The following TASP1 variants were observed in gnomAD, a reference collection of about 807,000 sequenced individuals.
TASP1 encodes the protein taspase 1.
A neutral mutation model predicts 56.6 loss-of-function variants in TASP1; 16 were observed. That is an observed-to-expected ratio of 0.28 (90% CI 0.19 to 0.43). The LOEUF is 0.43. TASP1 is among the 20% of genes least tolerant of loss of function. TASP1 has a pLI of 1.00. For missense variants in TASP1, 393 were observed against 511.6 expected (o/e 0.77, Z 2.24); for synonymous variants, 179 against 184.2 (o/e 0.97, Z 0.23).
At chr20:13,500,814 AAG>A (rs1411507872) in intron 10 of TASP1, among the ~76,000 whole-genome samples, 2 of 152,092 alleles carry the variant, frequency 1.3e-5, no homozygotes, top group African/African-American at 4.8e-5. Flanking sequence ...CTAGAAGTAA[AAG>A]AGAGAACACG....
the TASP1 span, among the ~76,000 whole-genome samples, chr20:13,305,483 G>A: frequency 6.6e-6 from 1 of 152,160 alleles, no homozygotes; most frequent in Admixed American, 6.5e-5. Context: ...GGGGATTAGG[G>A]CGGAGTTCTC....
chr20:13,231,753 G>A, the TASP1 span, among the ~76,000 whole-genome samples: 1 of 152,146 alleles, frequency 6.6e-6, no homozygotes, highest in African/African-American at 2.4e-5. Context: ...GGAAGAGATA[G>A]TACTGCGAGG....
intron 7 of TASP1, among the ~76,000 whole-genome samples, chr20:13,568,675 C>G (rs2046617090): frequency 6.6e-6 from 1 of 151,836 alleles, no homozygotes; most frequent in African/African-American, 2.4e-5. Flanking sequence ...TTTGTATATT[C>G]TTAATAATGC....
At chr20:13,308,797 C>G in the TASP1 span, among the ~76,000 whole-genome samples, 2 of 152,210 alleles carry the variant, frequency 1.3e-5, no homozygotes, top group Non-Finnish European at 2.9e-5. Context: ...GGAGGTGCAG[C>G]TTATGGGAGG....
the TASP1 span, among the ~76,000 whole-genome samples, chr20:13,132,208 A>C: frequency 2.5e-5 from 3 of 118,138 alleles, no homozygotes; most frequent in Admixed American, 1.1e-4. Flanking sequence ...ATGGAGTCTC[A>C]CTCTGTCACC....
At chr20:13,610,239 A>T (rs919848184) in intron 4 of TASP1, among the ~76,000 whole-genome samples, 12 of 152,246 alleles carry the variant, frequency 7.9e-5, no homozygotes, top group Admixed American at 2.6e-4. Context: ...ATGCATTTTA[A>T]AATGCTTCAT....
chr20:13,198,132 G>A, the TASP1 span, among the ~76,000 whole-genome samples: 1 of 152,038 alleles, frequency 6.6e-6, no homozygotes, highest in Admixed American at 6.6e-5. Context: ...TATAACAAAT[G>A]TTTTGGAATA....
chr20:13,240,175 C>T, the TASP1 span, among the ~76,000 whole-genome samples: 113 of 152,318 alleles, frequency 7.4e-4, no homozygotes, highest in African/African-American at 2.6e-3. Context: ...TATCGCGTGG[C>T]TGTGATCAGC....
chr20:13,406,849 G>A (rs6042075), intron 13 of TASP1, among the ~76,000 whole-genome samples: 15,773 of 151,788 alleles, frequency 0.1, 1,625 homozygotes, highest in African/African-American at 0.27. Context: ...TGTATTTTTA[G>A]TAGAGACAGG....
At chr20:13,522,117 G>T (rs118038646) in intron 10 of TASP1, among the ~76,000 whole-genome samples, 582 of 152,286 alleles carry the variant, frequency 3.8e-3, no homozygotes, top group Non-Finnish European at 6.1e-3. Flanking sequence ...GGAATTGTGT[G>T]AGCAAGAGAA....
intron 10 of TASP1, among the ~76,000 whole-genome samples, chr20:13,496,314 CA>C (rs1215658749): frequency 1.3e-5 from 2 of 152,130 alleles, no homozygotes; most frequent in African/African-American, 4.8e-5. Context: ...CTTGGCCTCC[CA>C]AAGTGCTGGG....
the TASP1 span, among the ~76,000 whole-genome samples, chr20:13,226,176 CCTAA>C: frequency 0.22 from 34,110 of 151,998 alleles, 3,763 homozygotes; most frequent in South Asian, 0.27. Flanking sequence ...TTCTCTGTTT[CCTAA>C]CTATCATCTT....
intron 11 of TASP1, among the ~76,000 whole-genome samples, chr20:13,461,204 C>A (rs972438499): frequency 3.9e-5 from 6 of 152,150 alleles, no homozygotes; most frequent in African/African-American, 1.4e-4. Flanking sequence ...TCAAATGTCA[C>A]CTTCTAAGGG....
At chr20:13,461,023 C>G (rs1282220630) in intron 11 of TASP1, among the ~76,000 whole-genome samples, 1 of 152,142 alleles carries the variant, frequency 6.6e-6, no homozygotes, top group Non-Finnish European at 1.5e-5. Flanking sequence ...CCAGCTCATC[C>G]GTAACCATCC....
At chr20:13,342,661 C>A in the TASP1 span, among the ~76,000 whole-genome samples, 64 of 152,222 alleles carry the variant, frequency 4.2e-4, no homozygotes, top group Non-Finnish European at 8.5e-4. Flanking sequence ...GCGGAACTCC[C>A]AGCCCTCAGA....
chr20:13,390,513 C>T, intron 13 of TASP1, 61 bp from the exon 14 acceptor site: 6 of 1,481,270 alleles, frequency 4.1e-6, no homozygotes, highest in South Asian at 3.5e-5. Flanking sequence ...TGCCACACCC[C>T]TACCCGTGTC....
chr20:13,362,360 C>G, the TASP1 span, among the ~76,000 whole-genome samples: 1 of 152,090 alleles, frequency 6.6e-6, no homozygotes, highest in Non-Finnish European at 1.5e-5. Flanking sequence ...CCCATCTTAA[C>G]TGATGAAATT....
At chr20:13,326,595 T>G in the TASP1 span, among the ~76,000 whole-genome samples, 1 of 152,180 alleles carries the variant, frequency 6.6e-6, no homozygotes, top group Non-Finnish European at 1.5e-5. Context: ...GTTAGTTTGA[T>G]TTCCTTAGCG....
the TASP1 span, among the ~76,000 whole-genome samples, chr20:13,159,419 T>C: frequency 6.6e-6 from 1 of 152,188 alleles, no homozygotes; most frequent in Non-Finnish European, 1.5e-5. Context: ...TTCTTATCTC[T>C]GATTTGATGG....
Sources: gnomAD v4.1 joint callset for allele counts (sites outside exome capture counted in the v4.1 genomes callset) on GRCh38, gnomAD v4.1.1 for gene constraint, MANE v1.5 for transcripts, NCBI Gene and HGNC (gene_info 2026-07-23, HGNC 2026-07-21) for gene names.